Variants in ZDHHC14 observed in about 807,000 individuals in gnomAD.
ZDHHC14 encodes the protein zDHHC palmitoyltransferase 14, also known as palmitoyltransferase ZDHHC14.
ZDHHC14 carries 16 observed loss-of-function variants against 47.7 expected under a neutral mutation model. That is an observed-to-expected ratio of 0.34 (90% CI 0.23 to 0.51). ZDHHC14 has a LOEUF of 0.51. ZDHHC14 is among the 20% of genes least tolerant of loss of function. ZDHHC14 has a pLI of 0.97. For synonymous variants in ZDHHC14, 293 were observed against 278.9 expected (o/e 1.05, Z -0.50); for missense variants, 515 against 662.5 (o/e 0.78, Z 2.44).
chr6:157,566,250 A>AC (rs370777243), intron 2 of ZDHHC14, among the ~76,000 whole-genome samples: 52 of 151,424 alleles, frequency 3.4e-4, no homozygotes, highest in African/African-American at 1.2e-3. Context: ...CTCTAAAAAA[A>AC]CCCGAATTCC....
chr6:157,398,049 C>G (rs2114742725), intron 1 of ZDHHC14, among the ~76,000 whole-genome samples: 1 of 150,782 alleles, frequency 6.6e-6, no homozygotes, highest in East Asian at 2.0e-4. Flanking sequence ...TCCCCAGCTC[C>G]CCAGCCCCCC....
chr6:157,618,564 C>T (rs1396022104), intron 3 of ZDHHC14, among the ~76,000 whole-genome samples: 1 of 152,088 alleles, frequency 6.6e-6, no homozygotes, highest in African/African-American at 2.4e-5. Flanking sequence ...TCAAATGATC[C>T]ACCCACCTCG....
intron 2 of ZDHHC14, among the ~76,000 whole-genome samples, chr6:157,543,813 G>C (rs751050348): frequency 5.8e-4 from 88 of 152,334 alleles, no homozygotes; most frequent in African/African-American, 2.0e-3. Context: ...TAGGAAGGAG[G>C]GGGAGGGAGA....
At chr6:157,504,166 A>G (rs1378487100) in intron 1 of ZDHHC14, among the ~76,000 whole-genome samples, 1 of 150,496 alleles carries the variant, frequency 6.6e-6, no homozygotes, top group Non-Finnish European at 1.5e-5. Flanking sequence ...AACTGCAGCT[A>G]CATGCAGCAA....
At position 157,674,346 on chromosome 6, in the gene ZDHHC14, C is replaced by G. The variant is rs1562543589; in HGVS notation, c.*1224C>G. 1 of 152,142 alleles carries G rather than the reference C, an allele frequency of 6.6e-6. No individual in the cohort carries two copies. Among genetic ancestry groups the G allele is most frequent in the East Asian group, 1.9e-4 (1 of 5,190 alleles). 9.4% of individuals were successfully genotyped at this position (152,142 alleles called of 1,614,324 possible). ...GTATCAGAAAATGAGGAGGAGAAAT[C>G]GGCTTACAGTCTAAGCTGAGATCAT... On this transcript the variant is annotated 3_prime_UTR_variant, in exon 9 of 9. Coordinates refer to ENST00000359775, the MANE Select transcript of ZDHHC14 (RefSeq NM_024630.3).
intron 1 of ZDHHC14, among the ~76,000 whole-genome samples, chr6:157,415,400 G>C (rs1443404789): frequency 1.3e-5 from 2 of 152,158 alleles, no homozygotes; most frequent in African/African-American, 2.4e-5. Flanking sequence ...GCTATTTCAA[G>C]AATGAACAGA....
chr6:157,505,203 G>A (rs1253979752), intron 1 of ZDHHC14, among the ~76,000 whole-genome samples: 1 of 152,206 alleles, frequency 6.6e-6, no homozygotes, highest in Non-Finnish European at 1.5e-5. Flanking sequence ...TAAAAGCAAG[G>A]ACAGTTTCCT....
rs141589823 is a variant in ZDHHC14 at position 157,646,792 on chromosome 6, A to G, written c.856-467A>G. On this transcript the variant is annotated intron_variant, in intron 6 of 8. Coordinates refer to ENST00000359775, the MANE Select transcript of ZDHHC14 (RefSeq NM_024630.3). ...TTGAGAAAATAGGTTGTGATAAGAC[A>G]CATGAGATAAGAGAATATTAATACA... Among the ~76,000 whole-genome samples, 142 of 152,354 alleles carry G rather than the reference A, an allele frequency of 9.3e-4. 2 individuals carry two copies. The highest frequency in any genetic ancestry group is 3.2e-3 in the African/African-American group (133 of 41,578).
intron 2 of ZDHHC14, among the ~76,000 whole-genome samples, chr6:157,560,558 T>C (rs1439218904): frequency 6.7e-6 from 1 of 150,116 alleles, no homozygotes; most frequent in Non-Finnish European, 1.5e-5. Context: ...TATAAACAAG[T>C]TTTTTTTTGT....
intron 1 of ZDHHC14, among the ~76,000 whole-genome samples, chr6:157,383,040 T>C (rs1777245203): frequency 6.6e-6 from 1 of 152,228 alleles, no homozygotes. Flanking sequence ...TCAGGGATTA[T>C]ATCTGGGGGG....
intron 1 of ZDHHC14, among the ~76,000 whole-genome samples, chr6:157,488,690 C>T (rs369055540): frequency 6.6e-6 from 1 of 152,208 alleles, no homozygotes; most frequent in Non-Finnish European, 1.5e-5. Flanking sequence ...TCAGTACTCA[C>T]TACCAGTTTA....
chr6:157,422,974 A>T (rs1242116994), intron 1 of ZDHHC14, among the ~76,000 whole-genome samples: 1 of 152,202 alleles, frequency 6.6e-6, no homozygotes, highest in Non-Finnish European at 1.5e-5. Context: ...TTTAAAAAGC[A>T]GTTCATTTAC....
At chr6:157,659,993 C>T (rs919024333) in intron 8 of ZDHHC14, among the ~76,000 whole-genome samples, 2 of 152,034 alleles carry the variant, frequency 1.3e-5, no homozygotes, top group Admixed American at 1.3e-4. Flanking sequence ...TGAGGTTTAG[C>T]GCTTTAGAAT....
intron 8 of ZDHHC14, among the ~76,000 whole-genome samples, chr6:157,658,340 T>G (rs557544982): frequency 6.6e-6 from 1 of 152,334 alleles, no homozygotes; most frequent in African/African-American, 2.4e-5. Flanking sequence ...AGCCCCCTTT[T>G]AGCTGTGAGC....
At chr6:157,599,261 G>A (rs958714307) in intron 3 of ZDHHC14, among the ~76,000 whole-genome samples, 2 of 152,256 alleles carry the variant, frequency 1.3e-5, no homozygotes, top group Non-Finnish European at 2.9e-5. Context: ...ACCAGGAACA[G>A]TGGAGGAGGC....
At chr6:157,591,337 C>T (rs1401433463) in intron 2 of ZDHHC14, among the ~76,000 whole-genome samples, 7 of 152,152 alleles carry the variant, frequency 4.6e-5, no homozygotes, top group African/African-American at 1.7e-4. Flanking sequence ...ATAATCTGTA[C>T]ATGTCATGGG....
At chr6:157,508,310 T>C (rs1780380229) in intron 1 of ZDHHC14, among the ~76,000 whole-genome samples, 1 of 152,246 alleles carries the variant, frequency 6.6e-6, no homozygotes, top group Non-Finnish European at 1.5e-5. Flanking sequence ...ATTTTTTGTC[T>C]GTTCTCTCTA....
intron 1 of ZDHHC14, among the ~76,000 whole-genome samples, chr6:157,482,261 T>C (rs34698979): frequency 2.3e-5 from 1 of 44,076 alleles, no homozygotes; most frequent in Admixed American, 2.3e-4. Flanking sequence ...TTTTCTTTTC[T>C]TTTTTTTTTT....
chr6:157,542,872 C>A, intron 2 of ZDHHC14, 127 bp downstream of exon 2: 2 of 1,168,050 alleles, frequency 1.7e-6, no homozygotes, highest in Non-Finnish European at 2.4e-6. Flanking sequence ...CAGAAGTCAG[C>A]GTTCCTTAGC....
Sources: gnomAD v4.1 joint callset for allele counts (sites outside exome capture counted in the v4.1 genomes callset) on GRCh38, gnomAD v4.1.1 for gene constraint, MANE v1.5 for transcripts, NCBI Gene and HGNC (gene_info 2026-07-23, HGNC 2026-07-21) for gene names.